PRKN: variants seen among roughly 807,000 people sequenced by gnomAD.
PRKN encodes E3 ubiquitin-protein ligase parkin.
A neutral mutation model predicts 59.5 loss-of-function variants in PRKN; 56 were observed. The ratio of observed to expected loss-of-function variants is 0.94; its 90% CI spans 0.76 to 1.18. The LOEUF (loss-of-function observed/expected upper bound fraction) is 1.18. PRKN is among the 50% of genes most tolerant of loss of function. The pLI is 0.00. For synonymous variants in PRKN, 250 were observed against 222.1 expected (o/e 1.13, Z -1.12); for missense variants, 657 against 596.4 (o/e 1.10, Z -1.06).
chr6:162,161,347 CT>C (rs1223663938), intron 4 of PRKN, among the ~76,000 whole-genome samples: 14 of 152,326 alleles, frequency 9.2e-5, no homozygotes, highest in African/African-American at 2.9e-4. Flanking sequence ...AGGATGCTCA[CT>C]TAATACAGGC....
At position 161,671,843 on chromosome 6, in the gene PRKN, C is replaced by T. The variant is rs534435431; in HGVS notation, c.872-102427G>A. Among the ~76,000 whole-genome samples the T allele has an allele frequency of 5.3e-5, 8 of 152,242 alleles. No homozygotes were observed. In the South Asian group the frequency reaches 1.5e-3, roughly 28 times the overall value. ...TTACCCAGTCCCTTGGTTGTCTTGT[C>T]CTCTGTTTGTTATCATTTTCGAGGG... On this transcript the variant is annotated intron_variant, in intron 7 of 11. Transcript: ENST00000366898.
intron 1 of PRKN, among the ~76,000 whole-genome samples, chr6:162,665,578 C>A (rs540200623): frequency 1.3e-5 from 2 of 152,138 alleles, no homozygotes; most frequent in East Asian, 3.9e-4. Context: ...TGGATAGGAA[C>A]AATCAATATT....
At chr6:161,669,169 C>T (rs1452221470) in intron 7 of PRKN, among the ~76,000 whole-genome samples, 2 of 152,194 alleles carry the variant, frequency 1.3e-5, no homozygotes, top group African/African-American at 4.8e-5. Flanking sequence ...GAAGTGGGCC[C>T]TCATCCTACA....
At position 161,428,625 on chromosome 6, in the gene PRKN, G is replaced by A. The variant is rs938855831; in HGVS notation, c.1084-41748C>T. Among the ~76,000 whole-genome samples the A allele has an allele frequency of 6.6e-6, 1 of 152,176 alleles. No individual in the cohort carries two copies. Among genetic ancestry groups the A allele is most frequent in the Non-Finnish European group, 1.5e-5 (1 of 68,034 alleles). ...TCTCTGAGTGTTTTTCCACACATCT[G>A]AAGGGCGATTCTTTGTCAACTGCTA... On this transcript the variant is annotated intron_variant, in intron 9 of 11. Coordinates refer to ENST00000366898, the MANE Select transcript of PRKN (RefSeq NM_004562.3). This position sits in a 1 kb window ranked among gnomAD's most constrained non-coding sequence, Gnocchi z 4.0.
intron 1 of PRKN, among the ~76,000 whole-genome samples, chr6:162,486,473 T>A (rs1792545265): frequency 6.6e-6 from 1 of 152,208 alleles, no homozygotes; most frequent in Non-Finnish European, 1.5e-5. Context: ...ATTCCAGTTG[T>A]CTCTGTTTTT....
At chr6:162,391,506 T>C (rs1787190993) in intron 2 of PRKN, among the ~76,000 whole-genome samples, 1 of 151,526 alleles carries the variant, frequency 6.6e-6, no homozygotes, top group Non-Finnish European at 1.5e-5. Flanking sequence ...ATTTTCTTAC[T>C]GCGCATGCTT....
intron 1 of PRKN, among the ~76,000 whole-genome samples, chr6:162,655,171 C>T (rs1778598603): frequency 6.6e-6 from 1 of 152,068 alleles, no homozygotes; most frequent in Non-Finnish European, 1.5e-5. Flanking sequence ...TTCTGATCTA[C>T]AATATAGTTG....
At chr6:161,568,452 G>A (rs1390885117) in intron 8 of PRKN, among the ~76,000 whole-genome samples, 3 of 152,160 alleles carry the variant, frequency 2.0e-5, no homozygotes, top group Non-Finnish European at 2.9e-5. Flanking sequence ...AATTAGCTGG[G>A]TGTGGTGGCG....
intron 7 of PRKN, among the ~76,000 whole-genome samples, chr6:161,629,010 G>C (rs917732640): frequency 1.3e-5 from 2 of 152,164 alleles, no homozygotes; most frequent in Admixed American, 6.5e-5. Flanking sequence ...GGCAGGCAAA[G>C]GAGTGCAGAA....
At chr6:161,389,042 G>C (rs1373991805) in intron 9 of PRKN, among the ~76,000 whole-genome samples, 1 of 152,174 alleles carries the variant, frequency 6.6e-6, no homozygotes, top group Non-Finnish European at 1.5e-5. Context: ...ATATTTTATA[G>C]TATAAGTTAG....
chr6:162,185,992 G>C (rs1374120946), intron 4 of PRKN, among the ~76,000 whole-genome samples: 2 of 151,922 alleles, frequency 1.3e-5, no homozygotes, highest in African/African-American at 2.4e-5. Flanking sequence ...AAAACATGTG[G>C]TTTGAGAGCC....
At chr6:162,494,586 C>T (rs1792975536) in intron 1 of PRKN, among the ~76,000 whole-genome samples, 2 of 152,142 alleles carry the variant, frequency 1.3e-5, no homozygotes, top group African/African-American at 2.4e-5. Flanking sequence ...AACAAAGCTG[C>T]TTGTATATAT....
intron 1 of PRKN, among the ~76,000 whole-genome samples, chr6:162,642,854 G>A (rs962141178): frequency 6.6e-6 from 1 of 151,848 alleles, no homozygotes; most frequent in African/African-American, 2.4e-5. Context: ...AATATTAGGA[G>A]ATACTCTGAA....
At chr6:162,425,809 A>C (rs1329447287) in intron 2 of PRKN, among the ~76,000 whole-genome samples, 1 of 152,182 alleles carries the variant, frequency 6.6e-6, no homozygotes, top group Non-Finnish European at 1.5e-5. Context: ...ATGCAAAAGG[A>C]AGAGAAGCAA....
At position 162,184,528 on chromosome 6, in the gene PRKN, G is replaced by A. The variant is rs141264217; in HGVS notation, c.534+16603C>T. Among the ~76,000 whole-genome samples, 427 of 152,188 alleles carry A rather than the reference G, an allele frequency of 2.8e-3. 4 individuals are homozygous for A. Among genetic ancestry groups the A allele is most frequent in the Middle Eastern group, 0.027 (8 of 294 alleles). On this transcript the variant is annotated intron_variant, in intron 4 of 11. Coordinates refer to ENST00000366898, the MANE Select transcript of PRKN (RefSeq NM_004562.3). ...TTATAAGGGGCTTCTCCCTTCGTGC[G>A]GTTCTCATTTCTTCTCTCTCTTGCT...
chr6:161,517,686 G>A (rs1390712629), intron 9 of PRKN, among the ~76,000 whole-genome samples: 1 of 131,104 alleles, frequency 7.6e-6, no homozygotes, highest in Non-Finnish European at 1.5e-5. Context: ...CTTGCAGTGA[G>A]CCGAGATCGC....
chr6:161,690,364 T>C (rs1397759907), intron 7 of PRKN, among the ~76,000 whole-genome samples: 1 of 152,204 alleles, frequency 6.6e-6, no homozygotes, highest in Non-Finnish European at 1.5e-5. Flanking sequence ...ATTGGAACTT[T>C]CCTCTAATGT....
rs565670506 is a variant in PRKN, at chr6:162,634,599, C to T, written c.7+93063G>A. Among the ~76,000 whole-genome samples, 22 of 152,300 alleles carry T rather than the reference C, an allele frequency of 1.4e-4. No homozygotes were observed. The South Asian group carries it at 1.7e-3, about 11-fold the overall frequency. On this transcript the variant is annotated intron_variant, in intron 1 of 11. Transcript: ENST00000366898. ...CCAGCCACTAGTGCAATGGCTGACA[C>T]GAGAAGAGTGATGGACATTTGCTGT...
At chr6:162,320,270 C>A (rs1163231270) in intron 2 of PRKN, among the ~76,000 whole-genome samples, 1 of 138,980 alleles carries the variant, frequency 7.2e-6, no homozygotes, top group Non-Finnish European at 1.5e-5. Flanking sequence ...GCAATAAACA[C>A]AAAGTGCAGG....
Sources: gnomAD v4.1 joint callset for allele counts (sites outside exome capture counted in the v4.1 genomes callset) on GRCh38, gnomAD v4.1.1 for gene constraint, Gnocchi (gnomAD v3.1) non-coding constraint, MANE v1.5 for transcripts, NCBI Gene and HGNC (gene_info 2026-07-23, HGNC 2026-07-21) for gene names.